MICA: variants seen among roughly 807,000 people sequenced by gnomAD.
MICA encodes MHC class I polypeptide-related sequence A.
A neutral mutation model predicts 34.3 loss-of-function variants in MICA; 18 were observed. The ratio of observed to expected loss-of-function variants is 0.52; its 90% CI spans 0.36 to 0.78. The LOEUF (loss-of-function observed/expected upper bound fraction) is 0.78, where lower values mean the gene tolerates loss of function less well. Among genes scored for constraint, MICA ranks in the 30% least tolerant of loss-of-function variants. MICA has a pLI of 0.00. For missense variants in MICA, 333 were observed against 409.4 expected, an observed-to-expected ratio of 0.81 and a Z score of 1.61; for synonymous variants, 135 against 156.9, an observed-to-expected ratio of 0.86 and a Z score of 1.04.
chr6:31,411,456 A>T lies in MICA; in HGVS notation c.613+97A>T, dbSNP rs1244747040. 1 of 1,215,652 alleles carries T rather than the reference A, an allele frequency of 8.2e-7. No homozygotes were observed. The highest frequency in any genetic ancestry group is 1.6e-5 in the African/African-American group (1 of 64,118). 75.3% of individuals were successfully genotyped at this position (1,215,652 alleles called of 1,614,324 possible). A position where few individuals can be genotyped will look rare whatever the true frequency, so the allele number is the denominator to read the frequency against. ...CAGGGAAACCCTCCCTGTGCTATGG[A>T]TGAAGGCATTTCCTGTTGGCACATC... On this transcript the variant is annotated intron_variant, in intron 3 of 5. Transcript: ENST00000449934. The surrounding 1 kb of genome is among the most constrained non-coding windows in gnomAD (Gnocchi z 4.3).
rs1300735066 is a variant in MICA at position 31,412,077 on chromosome 6, C to T, written c.744C>T (p.His248=). 18 of 1,613,038 alleles carry T rather than the reference C, an allele frequency of 1.1e-5. No individual in the cohort carries two copies. Among genetic ancestry groups the T allele is most frequent in the Non-Finnish European group, 1.4e-5 (16 of 1,179,922 alleles). ...TWRQDGVSLS[H]DTQQWGDVLP... is the part of the protein sequence containing the mutation. ...GTCAGGATGGGGTATCTTTGAGCCA[C>T]GACACCCAGCAGTGGGGGGATGTCC... Residue 248 remains histidine (H), a synonymous_variant, in exon 4 of 6, where the codon CAC becomes CAT. Coordinates refer to ENST00000449934, the MANE Select transcript of MICA (RefSeq NM_001177519.3).
At chr6:31,412,949 A>G (rs1370587170) in intron 5 of MICA, among the ~76,000 whole-genome samples, 1 of 148,984 alleles carries the variant, frequency 6.7e-6, no homozygotes, top group African/African-American at 2.5e-5. Flanking sequence ...CTGTTTCTCC[A>G]GCCATCGGGG....
At position 31,403,738 on chromosome 6, in the gene MICA, G is replaced by A; in HGVS notation, c.70+36G>A. The stretch of plus-strand genomic sequence containing the variant: ...TTCCTGGCGGTCCTCGGCGGAGCGG[G>A]AGCAGTGGGACGTTTCCGGGGGTCG... On this transcript the variant is annotated intron_variant, in intron 1 of 5. Transcript: ENST00000449934. The surrounding 1 kb of genome is among the most constrained non-coding windows in gnomAD (Gnocchi z 4.7). 6.6e-7 allele frequency: 1 copy of A among 1,521,814 alleles called. No individual in the cohort carries two copies. The highest frequency in any genetic ancestry group is 1.2e-5 in the South Asian group (1 of 82,250). The allele number at this position is 1,521,814 out of a possible 1,614,324, so 94.3% of individuals were successfully genotyped here. A position where few individuals can be genotyped will look rare whatever the true frequency, so the allele number is the denominator to read the frequency against.
intron 1 of MICA, among the ~76,000 whole-genome samples, chr6:31,404,501 T>C (rs1252762959): frequency 2.0e-5 from 3 of 151,510 alleles, no homozygotes; most frequent in Non-Finnish European, 4.4e-5. Context: ...CTCTGATCCA[T>C]TTCTAGGGTG....
At chr6:31,414,973 A>G (rs1452578057) in intron 5 of MICA, 39 bp from the exon 6 acceptor site, 1 of 1,451,146 alleles carries the variant, frequency 6.9e-7, no homozygotes, top group Admixed American at 1.8e-5. Flanking sequence ...ACAACACTGC[A>G]CCCAGTGGAG....
chr6:31,401,656 C>G (rs531635960), upstream of MICA, among the ~76,000 whole-genome samples: 1 of 88,992 alleles, frequency 1.1e-5, no homozygotes, highest in East Asian at 2.3e-4. Flanking sequence ...CAAGACTCCT[C>G]TCTTAAAAAA....
At chr6:31,403,518 G>A (rs922240635), upstream of MICA, 6 of 805,200 alleles carry the variant, frequency 7.5e-6, no homozygotes, top group African/African-American at 1.9e-5. The surrounding 1 kb of genome is among the most constrained non-coding windows in gnomAD (Gnocchi z 4.7). Context: ...CCTAAGTTCC[G>A]GGCCCCAGTT....
upstream of MICA, among the ~76,000 whole-genome samples, chr6:31,403,341 G>A (rs1002293103): frequency 6.6e-6 from 1 of 151,848 alleles, no homozygotes; most frequent in Admixed American, 6.6e-5. The surrounding 1 kb of genome is among the most constrained non-coding windows in gnomAD (Gnocchi z 4.7). Context: ...TTATGAAGTT[G>A]GAGCTGTACT....
At chr6:31,412,254 C>T in intron 4 of MICA, 29 bp downstream of exon 4, 2 of 1,606,150 alleles carry the variant, frequency 1.2e-6, no homozygotes, top group South Asian at 2.2e-5. Context: ...TGGAGAGGGT[C>T]AGGCCAGGGT....
intron 1 of MICA, among the ~76,000 whole-genome samples, chr6:31,408,991 G>C (rs1453722516): frequency 4.2e-5 from 6 of 144,146 alleles, no homozygotes; most frequent in South Asian, 2.3e-4. Flanking sequence ...GGCAACAAGA[G>C]TGAAATTCCA....
intron 1 of MICA, among the ~76,000 whole-genome samples, chr6:31,407,966 A>G (rs1477490216): frequency 6.6e-6 from 1 of 151,816 alleles, no homozygotes; most frequent in Non-Finnish European, 1.5e-5. Flanking sequence ...CCCATTCAGT[A>G]TGTTACTAGC....
intron 5 of MICA, among the ~76,000 whole-genome samples, chr6:31,414,738 C>T (rs1425450791): frequency 6.6e-6 from 1 of 151,892 alleles, no homozygotes; most frequent in Non-Finnish European, 1.5e-5. Flanking sequence ...CACTGGGTTC[C>T]CTCTTGGGTC....
intron 1 of MICA, 98 bp from the exon 2 acceptor site, chr6:31,410,445 C>T: frequency 7.7e-7 from 1 of 1,292,938 alleles, no homozygotes; most frequent in Non-Finnish European, 1.0e-6. Context: ...GTGTGCATTT[C>T]CTGCCCCAGG....
chr6:31,402,636 G>A (rs138344481), upstream of MICA, among the ~76,000 whole-genome samples: 55 of 151,962 alleles, frequency 3.6e-4, no homozygotes, highest in Middle Eastern at 3.4e-3. Context: ...TTGAAATAGC[G>A]TTGAAGGAGC....
At position 31,410,794 on chromosome 6, in the gene MICA, G is replaced by T. The variant is rs1771086792; in HGVS notation, c.322G>T (p.Glu108Ter). The T allele has an allele frequency of 1.9e-6, 3 of 1,561,240 alleles. No homozygotes were observed. Among genetic ancestry groups the T allele is most frequent in the Non-Finnish European group, 2.6e-6 (3 of 1,152,684 alleles). ...CCTGGCTCATATCAAGGACCAGAAAGAAGGTGAGAGTCGGCAGGGGCAAGA... is the reference window on the plus strand; with the variant it reads ...CCTGGCTCATATCAAGGACCAGAAATAAGGTGAGAGTCGGCAGGGGCAAGA... Reference protein sequence around the residue: ...MTLAHIKDQKEGLHSLQEIRV... With the variant: ...MTLAHIKDQK The change falls in exon 2 of 6, where the codon GAA becomes TAA. Residue 108 changes from glutamate to a stop codon, truncating the protein, a stop_gained. Coordinates refer to ENST00000449934, the MANE Select transcript of MICA (RefSeq NM_001177519.3). LOFTEE classifies it high-confidence loss of function.
chr6:31,401,966 T>G (rs1770453609), upstream of MICA, among the ~76,000 whole-genome samples: 2 of 151,856 alleles, frequency 1.3e-5, no homozygotes, highest in African/African-American at 4.8e-5. Flanking sequence ...ATTCTCTTAG[T>G]AGAAAGAGGC....
upstream of MICA, among the ~76,000 whole-genome samples, chr6:31,401,694 T>C (rs1236018846): frequency 6.7e-6 from 1 of 148,534 alleles, no homozygotes; most frequent in Non-Finnish European, 1.5e-5. Flanking sequence ...CAGGGCACAA[T>C]GAGTACTATC....
At chr6:31,414,746 G>A (rs1771414994) in intron 5 of MICA, among the ~76,000 whole-genome samples, 1 of 151,872 alleles carries the variant, frequency 6.6e-6, no homozygotes, top group Non-Finnish European at 1.5e-5. Context: ...TCCCTCTTGG[G>A]TCTTGTCCTT....
intron 5 of MICA, among the ~76,000 whole-genome samples, chr6:31,413,630 A>G (rs2256312): frequency 0.5 from 76,193 of 150,916 alleles, 20,499 homozygotes; most frequent in African/African-American, 0.64. Context: ...TGCACTGTCA[A>G]TCGGCCCCTC....
Sources: gnomAD v4.1 joint callset for allele counts (sites outside exome capture counted in the v4.1 genomes callset) on GRCh38, gnomAD v4.1.1 for gene constraint, Gnocchi (gnomAD v3.1) non-coding constraint, MANE v1.5 for transcripts, NCBI Gene and HGNC (gene_info 2026-07-23, HGNC 2026-07-21) for gene names.